The following CNOT1 variants were observed in gnomAD, a reference collection of about 807,000 sequenced individuals.
CNOT1 encodes CCR4-NOT transcription complex subunit 1, also known as CCR4-associated factor 1.
In CNOT1, 15 loss-of-function variants were observed where a neutral mutation model predicts 273.8. The observed-to-expected ratio is 0.05, with a 90% CI of 0.04 to 0.08. CNOT1 has a LOEUF of 0.08. Ranked by LOEUF, CNOT1 falls within the 10% of genes least tolerant of loss-of-function variation. CNOT1 has a pLI of 1.00. For missense variants in CNOT1, 1,644 were observed against 2,912.2 expected, an observed-to-expected ratio of 0.56 and a Z score of 10.02; for synonymous variants, 1,022 against 1,005.5, an observed-to-expected ratio of 1.02 and a Z score of -0.31.
chr16:58,607,914 G>A (rs889441347), intron 1 of CNOT1, among the ~76,000 whole-genome samples: 1 of 151,856 alleles, frequency 6.6e-6, no homozygotes, highest in African/African-American at 2.4e-5. Context: ...ACTCACACCT[G>A]TAAACCCAGC....
At position 58,532,004 on chromosome 16, in the gene CNOT1, T is replaced by C; in HGVS notation, c.6131A>G (p.His2044Arg). Reference protein sequence around the residue: ...FVYAWLELISHRIFIARMLAH... With the variant: ...FVYAWLELISRRIFIARMLAH... The stretch of plus-strand genomic sequence containing the variant: ...CAGCATTCTTGCAATAAATATCCGA[T>C]GGGAAATCAGTTCAAGCCAGGCATA... Residue 2044 changes from histidine (H) to arginine (R), a missense_variant, in exon 42 of 49, where the codon CAT becomes CGT. Around this residue, in one of 13 missense-constraint regions of CNOT1, gnomAD observed 133 missense variants for 328.2 expected, o/e 0.41. Transcript: ENST00000317147. 6.2e-7 allele frequency: 1 copy of C among 1,614,148 alleles called. No homozygotes were observed. Among genetic ancestry groups the C allele is most frequent in the South Asian group, 1.1e-5 (1 of 91,080 alleles).
intron 46 of CNOT1, chr16:58,523,940 GTTGTT>G (rs1407114564): frequency 6.5e-6 from 1 of 154,184 alleles, no homozygotes; most frequent in East Asian, 1.9e-4. Flanking sequence ...AAATGTAAAT[GTTGTT>G]TTATGATGAA....
chr16:58,606,736 G>A (rs982647932), intron 1 of CNOT1, among the ~76,000 whole-genome samples: 35 of 152,036 alleles, frequency 2.3e-4, no homozygotes, highest in Middle Eastern at 3.4e-3. Flanking sequence ...CATGGGAGAC[G>A]GAGGTTGCAG....
intron 35 of CNOT1, among the ~76,000 whole-genome samples, chr16:58,539,440 G>A (rs980339370): frequency 7.2e-6 from 1 of 138,324 alleles, no homozygotes; most frequent in South Asian, 2.3e-4. Context: ...CTGCACTCAA[G>A]CCTGACAGAG....
intron 39 of CNOT1, among the ~76,000 whole-genome samples, chr16:58,535,598 T>C (rs2039902046): frequency 6.6e-6 from 1 of 152,196 alleles, no homozygotes; most frequent in Non-Finnish European, 1.5e-5. Flanking sequence ...AAATTATAAA[T>C]CAGACTATAA....
intron 1 of CNOT1, among the ~76,000 whole-genome samples, chr16:58,625,724 T>G (rs1304267996): frequency 6.6e-6 from 1 of 151,642 alleles, no homozygotes; most frequent in East Asian, 1.9e-4. Flanking sequence ...CACGTGTGGT[T>G]AGCATGCACC....
At chr16:58,617,615 C>A (rs142147951) in intron 1 of CNOT1, among the ~76,000 whole-genome samples, 1 of 152,304 alleles carries the variant, frequency 6.6e-6, no homozygotes, top group African/African-American at 2.4e-5. Flanking sequence ...CTATCGCCAA[C>A]AAAGAACTAC....
Position 58,585,326 on chromosome 16 carries a change from T to C in CNOT1, c.806+12A>G. ...AAGAATAATCAGAAGCTTAACACATTTTACTACCAACCTTGCACAAAAGCC... is the reference window on the plus strand; with the variant it reads ...AAGAATAATCAGAAGCTTAACACATCTTACTACCAACCTTGCACAAAAGCC... On this transcript the variant is annotated intron_variant, in intron 8 of 48. Coordinates refer to ENST00000317147, the MANE Select transcript of CNOT1 (RefSeq NM_016284.5). 1 of 1,613,462 alleles carries C rather than the reference T, an allele frequency of 6.2e-7. No homozygotes were observed. The highest frequency in any genetic ancestry group is 8.5e-7 in the Non-Finnish European group (1 of 1,179,926).
chr16:58,535,589 A>T (rs1483918647), intron 39 of CNOT1, among the ~76,000 whole-genome samples: 1 of 152,220 alleles, frequency 6.6e-6, no homozygotes, highest in Non-Finnish European at 1.5e-5. Flanking sequence ...CTTCCATTCA[A>T]ATTATAAATC....
In CNOT1 at chr16:58,542,354, ACT is replaced by A; in HGVS notation, c.4576-21_4576-20del. 6.2e-7 allele frequency: 1 copy of A among 1,613,946 alleles called. No individual in the cohort carries two copies. Among genetic ancestry groups the A allele is most frequent in the Admixed American group, 1.7e-5 (1 of 59,974 alleles). On this transcript the variant is annotated intron_variant, in intron 32 of 48. Coordinates refer to ENST00000317147, the MANE Select transcript of CNOT1 (RefSeq NM_016284.5). ...CAAATTCCTGCAAACAAAAAAAGTC[ACT>A]GAGGTTCTTGTTATAAGGCACTTCC...
chr16:58,520,464 A>C lies in CNOT1; in HGVS notation c.*494T>G, dbSNP rs1351272573. The C allele has an allele frequency of 1.9e-5, 3 of 160,580 alleles. No individual in the cohort carries two copies. The highest frequency in any genetic ancestry group is 4.8e-5 in the African/African-American group (2 of 41,572). The allele number at this position is 160,580 out of a possible 1,614,324, so 9.9% of individuals were successfully genotyped here. On this transcript the variant is annotated 3_prime_UTR_variant, in exon 49 of 49. Transcript: ENST00000317147. ...ACATATCCAATTCTAGCACATCCAC[A>C]TTTTTAATAACTTAGTGATTTTCAA... is the stretch of plus-strand genomic sequence containing the variant.
chr16:58,587,683 TTTTATA>T, intron 4 of CNOT1, 91 bp downstream of exon 4: 8 of 1,381,146 alleles, frequency 5.8e-6, no homozygotes, highest in Non-Finnish European at 7.9e-6. Flanking sequence ...AACCTGAAAT[TTTTATA>T]TTAAGACATC....
chr16:58,585,399 T>A lies in CNOT1; in HGVS notation c.745A>T (p.Thr249Ser), dbSNP rs1394845672. ...TCAGCCAAAGAGCTCTCCATCATGGTTTTAGCTACCCCTCCGGAATCAGGC... is the reference window on the plus strand; with the variant it reads ...TCAGCCAAAGAGCTCTCCATCATGGATTTAGCTACCCCTCCGGAATCAGGC... The part of the protein sequence containing the change: ...ILPDSGGVAK[T>S]MMESSLADFM... Residue 249 changes from threonine (T) to serine (S), a missense_variant, in exon 8 of 49, where the codon ACC becomes TCC. By Grantham distance (58) the Thr-to-Ser change is moderately conservative. Around this residue, in one of 13 missense-constraint regions of CNOT1, gnomAD observed 706 missense variants for 1,021.2 expected, o/e 0.69. Coordinates refer to ENST00000317147, the MANE Select transcript of CNOT1 (RefSeq NM_016284.5). 1 of 1,613,760 alleles carries A rather than the reference T, an allele frequency of 6.2e-7. No individual in the cohort carries two copies. The highest frequency in any genetic ancestry group is 8.5e-7 in the Non-Finnish European group (1 of 1,180,000).
chr16:58,592,644 C>T (rs1419296796), intron 2 of CNOT1, among the ~76,000 whole-genome samples: 1 of 152,034 alleles, frequency 6.6e-6, no homozygotes, highest in Non-Finnish European at 1.5e-5. Context: ...TAAAAATGGG[C>T]CAAATTCAGA....
At chr16:58,613,738 AT>A (rs1242419248) in intron 1 of CNOT1, among the ~76,000 whole-genome samples, 2 of 125,240 alleles carry the variant, frequency 1.6e-5, no homozygotes, top group East Asian at 3.9e-4. Context: ...TCTAATAAGA[AT>A]AACTCTTTTG....
intron 17 of CNOT1, among the ~76,000 whole-genome samples, chr16:58,559,122 A>G (rs376774310): frequency 4.3e-4 from 66 of 152,360 alleles, no homozygotes; most frequent in African/African-American, 1.6e-3. Context: ...ATGAAACATA[A>G]TTATGACTAT....
At chr16:58,548,294 G>T (rs781350772) in intron 25 of CNOT1, among the ~76,000 whole-genome samples, 7 of 152,042 alleles carry the variant, frequency 4.6e-5, no homozygotes, top group Admixed American at 6.5e-5. Context: ...TTTTTCTAAG[G>T]GGGGGCAGAA....
chr16:58,603,528 A>C (rs932852879), intron 1 of CNOT1, among the ~76,000 whole-genome samples: 2 of 151,776 alleles, frequency 1.3e-5, no homozygotes, highest in African/African-American at 2.4e-5. Context: ...AAGAAGCCGA[A>C]GTCTTTAAAA....
At chr16:58,611,297 T>C (rs951153109) in intron 1 of CNOT1, among the ~76,000 whole-genome samples, 3 of 149,022 alleles carry the variant, frequency 2.0e-5, no homozygotes, top group Non-Finnish European at 4.5e-5. Flanking sequence ...GGCGTGACAG[T>C]GTGCACCTGT....
Sources: gnomAD v4.1 joint callset for allele counts (sites outside exome capture counted in the v4.1 genomes callset) on GRCh38, gnomAD v4.1.1 for gene constraint, gnomAD v4.1.1 regional missense constraint, MANE v1.5 for transcripts, NCBI Gene and HGNC (gene_info 2026-07-23, HGNC 2026-07-21) for gene names.